Variants in EPB41L2 observed in about 807,000 individuals in gnomAD.
The protein encoded by EPB41L2 is band 4.1-like protein 2.
A neutral mutation model predicts 113.0 loss-of-function variants in EPB41L2; 43 were observed. The ratio of observed to expected loss-of-function variants is 0.38; its 90% CI spans 0.30 to 0.49. The LOEUF is 0.49. Ranked by LOEUF, EPB41L2 falls within the 20% of genes least tolerant of loss-of-function variation. The pLI is 0.95. For missense variants in EPB41L2, 1,147 were observed against 1,223.4 expected, an observed-to-expected ratio of 0.94 and a Z score of 0.93; for synonymous variants, 442 against 436.7, an observed-to-expected ratio of 1.01 and a Z score of -0.15.
At chr6:130,918,436 C>T (rs77009835) in intron 4 of EPB41L2, among the ~76,000 whole-genome samples, 8 of 152,154 alleles carry the variant, frequency 5.3e-5, no homozygotes, top group African/African-American at 9.6e-5. Context: ...AAACCCTTAA[C>T]GATGGTTTCA....
At chr6:130,952,749 G>C (rs545709603) in intron 3 of EPB41L2, among the ~76,000 whole-genome samples, 30 of 151,758 alleles carry the variant, frequency 2.0e-4, no homozygotes, top group African/African-American at 7.3e-4. Flanking sequence ...GTCAGAGGAT[G>C]CAGTGAGCCG....
chr6:130,859,165 C>T (rs534628410), intron 18 of EPB41L2, among the ~76,000 whole-genome samples: 16 of 152,348 alleles, frequency 1.1e-4, no homozygotes, highest in Non-Finnish European at 2.1e-4. Context: ...CTAATTATTA[C>T]TCATTTTGTT....
rs1477845654 is a variant in EPB41L2, at chr6:130,872,632, A to G, written c.2044-2506T>C. ...GAAGAAAGGAAAGGTTACACAAGAA[A>G]GAACAACAGAACAGCATAAAATGAA... On this transcript the variant is annotated intron_variant, in intron 14 of 19. Transcript: ENST00000337057. 11 of 747,858 alleles carry G rather than the reference A, an allele frequency of 1.5e-5. No homozygotes were observed. The African/African-American group carries it at 2.0e-4, about 14-fold the overall frequency. The allele number at this position is 747,858 out of a possible 1,614,324, so 46.3% of individuals were successfully genotyped here. A position where few individuals can be genotyped will look rare whatever the true frequency, so the allele number is the denominator to read the frequency against.
intron 1 of EPB41L2, among the ~76,000 whole-genome samples, chr6:131,012,066 G>T (rs9372986): frequency 0.3 from 44,799 of 151,662 alleles, 7,205 homozygotes; most frequent in East Asian, 0.45. Context: ...TTAGCTGGGC[G>T]TGGTGGCACG....
intron 4 of EPB41L2, among the ~76,000 whole-genome samples, chr6:130,912,323 C>T (rs1799665592): frequency 6.6e-6 from 1 of 152,188 alleles, no homozygotes; most frequent in African/African-American, 2.4e-5. Context: ...CAGAAAATAA[C>T]CTGCTGTCTT....
intron 3 of EPB41L2, among the ~76,000 whole-genome samples, chr6:130,947,257 A>G (rs1446954665): frequency 6.6e-6 from 1 of 151,982 alleles, no homozygotes; most frequent in East Asian, 1.9e-4. Context: ...CTATCACCTC[A>G]TGACTTCCTG....
intron 1 of EPB41L2, among the ~76,000 whole-genome samples, chr6:131,055,367 C>T (rs1444851973): frequency 1.3e-5 from 2 of 152,118 alleles, no homozygotes; most frequent in African/African-American, 4.8e-5. Flanking sequence ...ATTGAAAAAT[C>T]AGGCTAGAAA....
intron 9 of EPB41L2, 100 bp downstream of exon 9, chr6:130,894,867 T>C: frequency 7.9e-7 from 1 of 1,259,600 alleles, no homozygotes; most frequent in Non-Finnish European, 1.1e-6. Flanking sequence ...AATAAATAGT[T>C]TATTTTCTTA....
intron 7 of EPB41L2, 96 bp from the exon 8 acceptor site, chr6:130,899,674 G>T: frequency 1.7e-6 from 2 of 1,173,978 alleles, no homozygotes; most frequent in Non-Finnish European, 2.5e-6. Flanking sequence ...GTTTGGAGGA[G>T]AGAAAGTTAC....
At chr6:130,987,110 G>T (rs1780745212) in intron 1 of EPB41L2, among the ~76,000 whole-genome samples, 1 of 152,050 alleles carries the variant, frequency 6.6e-6, no homozygotes, top group Non-Finnish European at 1.5e-5. Flanking sequence ...ATATCAGAGG[G>T]TGTTTATCCA....
At chr6:130,842,695 A>C (rs1775891173) in intron 19 of EPB41L2, among the ~76,000 whole-genome samples, 2 of 152,196 alleles carry the variant, frequency 1.3e-5, no homozygotes, top group Admixed American at 1.3e-4. Context: ...ATGAGTCATA[A>C]ATTTGTAAAG....
intron 5 of EPB41L2, 26 bp downstream of exon 5, chr6:130,908,795 C>G: frequency 6.4e-7 from 1 of 1,555,878 alleles, no homozygotes; most frequent in South Asian, 1.2e-5. Context: ...ACCTTAACTT[C>G]AAAGAATGAT....
chr6:130,875,131 C>T (rs906193374), intron 14 of EPB41L2, among the ~76,000 whole-genome samples: 3 of 152,120 alleles, frequency 2.0e-5, no homozygotes, highest in Non-Finnish European at 4.4e-5. Context: ...CCATAAACTC[C>T]TTATTTCTAC....
intron 19 of EPB41L2, among the ~76,000 whole-genome samples, chr6:130,857,003 A>T (rs550919984): frequency 2.6e-5 from 4 of 152,196 alleles, no homozygotes; most frequent in Non-Finnish European, 5.9e-5. Flanking sequence ...TATAAATATT[A>T]AAATGTGACA....
In EPB41L2 at chr6:130,879,082, T is replaced by TG. The variant is rs779219062; in HGVS notation, c.1897-833dup. Among the ~76,000 whole-genome samples, 10 of 152,346 alleles carry TG rather than the reference T, an allele frequency of 6.6e-5. 1 individual carries two copies. The East Asian group carries it at 1.7e-3, about 26-fold the overall frequency. ...TCGACTGGCTCTCATAAATAGTATT[T>TG]GTTTTAACCAAATTTTAAATATTTA... is the stretch of plus-strand genomic sequence containing the variant. On this transcript the variant is annotated intron_variant, in intron 13 of 19. Coordinates refer to ENST00000337057, the MANE Select transcript of EPB41L2 (RefSeq NM_001431.4).
intron 1 of EPB41L2, among the ~76,000 whole-genome samples, chr6:131,048,549 A>G (rs1795935457): frequency 6.6e-6 from 1 of 152,210 alleles, no homozygotes; most frequent in South Asian, 2.1e-4. Flanking sequence ...TGCCAAGAAA[A>G]GGGGAGCAGG....
At chr6:130,849,329 C>CA (rs1337688239) in intron 19 of EPB41L2, among the ~76,000 whole-genome samples, 4 of 152,230 alleles carry the variant, frequency 2.6e-5, no homozygotes, top group African/African-American at 9.6e-5. Flanking sequence ...TAGGCCAAAA[C>CA]AAAAAACAAA....
intron 15 of EPB41L2, chr6:130,867,825 T>A (rs1205970257): frequency 1.1e-5 from 5 of 445,838 alleles, no homozygotes; most frequent in Admixed American, 3.4e-5. Flanking sequence ...AATGTGTGTA[T>A]GTGTACATAC....
intron 19 of EPB41L2, among the ~76,000 whole-genome samples, chr6:130,856,544 A>C (rs772796018): frequency 6.6e-6 from 1 of 152,256 alleles, no homozygotes; most frequent in Non-Finnish European, 1.5e-5. Flanking sequence ...TTACCAAACT[A>C]GCAAAAATTA....
Sources: gnomAD v4.1 joint callset for allele counts (sites outside exome capture counted in the v4.1 genomes callset) on GRCh38, gnomAD v4.1.1 for gene constraint, MANE v1.5 for transcripts, NCBI Gene and HGNC (gene_info 2026-07-23, HGNC 2026-07-21) for gene names.